Variants in DMD observed in about 807,000 individuals in gnomAD.
The protein encoded by DMD is dystrophin.
DMD carries 63 observed loss-of-function variants against 330.1 expected under a neutral mutation model. That is an observed-to-expected ratio of 0.19 (90% CI 0.16 to 0.24). The LOEUF (loss-of-function observed/expected upper bound fraction) is 0.24. Among genes scored for constraint, DMD ranks in the 10% least tolerant of loss-of-function variants. DMD has a pLI of 1.00. For synonymous variants in DMD, 1,223 were observed against 959.8 expected (o/e 1.27, Z -5.07); for missense variants, 3,344 against 2,684.1 (o/e 1.25, Z -5.43).
intron 1 of DMD, among the ~76,000 whole-genome samples, chrX:33,198,707 G>T (rs1205476642): frequency 9.0e-6 from 1 of 110,895 alleles, no homozygotes; most frequent in African/African-American, 3.3e-5. Flanking sequence ...GAGGTGTCTT[G>T]GTTCATAGAA....
intron 7 of DMD, among the ~76,000 whole-genome samples, chrX:32,788,771 G>C (rs1325339438): frequency 8.9e-6 from 1 of 111,801 alleles, no homozygotes; most frequent in East Asian, 2.8e-4. Context: ...TGGATTTATG[G>C]GATCAGACTT....
At chrX:31,356,551 T>A (rs766498425) in intron 60 of DMD, among the ~76,000 whole-genome samples, 2 of 106,858 alleles carry the variant, frequency 1.9e-5, no homozygotes, top group East Asian at 2.8e-4. Flanking sequence ...CCAAGAACAT[T>A]CTTCCTCTAA....
intron 1 of DMD, among the ~76,000 whole-genome samples, chrX:33,020,953 G>C (rs1241689049): frequency 1.8e-5 from 2 of 110,859 alleles, no homozygotes; most frequent in Non-Finnish European, 3.8e-5. Context: ...CTATGGAAGA[G>C]GTTTCCTGAT....
At chrX:31,237,218 A>C (rs2047817802) in intron 63 of DMD, among the ~76,000 whole-genome samples, 1 of 112,543 alleles carries the variant, frequency 8.9e-6, no homozygotes, top group African/African-American at 3.2e-5. Context: ...GCTGTTTGAG[A>C]GGTGCAAGAA....
At chrX:32,097,255 C>A (rs138318559) in intron 44 of DMD, among the ~76,000 whole-genome samples, 369 of 110,670 alleles carry the variant, frequency 3.3e-3, no homozygotes, top group African/African-American at 0.012. Context: ...CCCCTTGCCC[C>A]CCACCTCGCG....
rs139805420 is a variant in DMD at position 31,879,154 on chromosome X, G to A, written c.6913-3781C>T. On this transcript the variant is annotated intron_variant, in intron 47 of 78. Coordinates refer to ENST00000357033, the MANE Select transcript of DMD (RefSeq NM_004006.3). ...TCACACTGTTAACAAAGACATATCTGAGACTGGGTGATTTATAAAGGAAAG... is the reference window on the plus strand; with the variant it reads ...TCACACTGTTAACAAAGACATATCTAAGACTGGGTGATTTATAAAGGAAAG... Among the ~76,000 whole-genome samples the A allele has an allele frequency of 0.01, 1,077 of 105,154 alleles. 6 individuals carry two copies. Among genetic ancestry groups the A allele is most frequent in the Non-Finnish European group, 0.016 (796 of 51,268 alleles). 91.3% of individuals were successfully genotyped at this position (105,154 alleles called of 115,157 possible).
intron 1 of DMD, among the ~76,000 whole-genome samples, chrX:33,275,927 ATTAC>A (rs2053227788): frequency 9.0e-6 from 1 of 111,574 alleles, no homozygotes; most frequent in African/African-American, 3.3e-5. Context: ...AGAAAACACT[ATTAC>A]TAACACTACA....
At chrX:31,942,785 T>C (rs752422260) in intron 45 of DMD, among the ~76,000 whole-genome samples, 6 of 112,294 alleles carry the variant, frequency 5.3e-5, no homozygotes, top group South Asian at 7.4e-4. Context: ...CTATCTATTG[T>C]GATCGCACCC....
chrX:32,761,443 T>C (rs890961169), intron 7 of DMD, among the ~76,000 whole-genome samples: 26 of 111,961 alleles, frequency 2.3e-4, no homozygotes, highest in South Asian at 3.7e-4. Flanking sequence ...GTAGACAGAC[T>C]CAGTCCCCAG....
intron 44 of DMD, among the ~76,000 whole-genome samples, chrX:32,012,205 C>A (rs1409852167): frequency 8.9e-6 from 1 of 112,060 alleles, no homozygotes; most frequent in Non-Finnish European, 1.9e-5. Flanking sequence ...TTTACTTAAG[C>A]CAGCTTGGAT....
intron 9 of DMD, among the ~76,000 whole-genome samples, chrX:32,682,068 T>A (rs775663830): frequency 3.6e-5 from 4 of 111,737 alleles, no homozygotes; most frequent in African/African-American, 1.3e-4. Flanking sequence ...AGGATACCTA[T>A]AGGGAACAAA....
chrX:31,544,719 C>T lies in DMD; in HGVS notation c.8218-37266G>A, dbSNP rs191151982. ...ATGTGAAACTTATATTAAATAAATT[C>T]GCATGCTTTTATGTTGTTGATTTGT... On this transcript the variant is annotated intron_variant, in intron 55 of 78. Coordinates refer to ENST00000357033, the MANE Select transcript of DMD (RefSeq NM_004006.3). Among the ~76,000 whole-genome samples the T allele has an allele frequency of 1.3e-3, 147 of 111,136 alleles. 2 individuals are homozygous for T. Among genetic ancestry groups the T allele is most frequent in the Admixed American group, 0.011 (117 of 10,402 alleles).
rs145174957 is a variant in DMD at position 31,585,795 on chromosome X, T to G, written c.8217+41878A>C. On this transcript the variant is annotated intron_variant, in intron 55 of 78. Transcript: ENST00000357033. The stretch of plus-strand genomic sequence containing the variant: ...AGCAACAATAGTATCCCCTGGGAAT[T>G]TGATAGAAATGCAAATTATCAGGCC... Among the ~76,000 whole-genome samples the G allele has an allele frequency of 3.2e-4, 36 of 111,930 alleles. No homozygotes were observed. The East Asian group carries it at 8.6e-3, about 27-fold the overall frequency.
chrX:33,041,692 G>A, intron 1 of DMD: 1 of 1,208,634 alleles, frequency 8.3e-7, no homozygotes, highest in Non-Finnish European at 1.1e-6. Flanking sequence ...AGCACGTTTA[G>A]TACTGGATTC....
At chrX:31,798,658 A>T (rs1352240365) in intron 50 of DMD, among the ~76,000 whole-genome samples, 1 of 111,568 alleles carries the variant, frequency 9.0e-6, no homozygotes, top group Non-Finnish European at 1.9e-5. Context: ...CATTCTAGGC[A>T]CTGGGAGTAC....
intron 9 of DMD, among the ~76,000 whole-genome samples, chrX:32,651,481 T>C (rs935987983): frequency 2.0e-4 from 22 of 112,089 alleles, no homozygotes; most frequent in African/African-American, 7.1e-4. Flanking sequence ...AGTGTATTTT[T>C]TCTTAATTTC....
At chrX:32,606,587 C>T (rs1162112235) in intron 12 of DMD, among the ~76,000 whole-genome samples, 1 of 109,208 alleles carries the variant, frequency 9.2e-6, no homozygotes, top group African/African-American at 3.3e-5. Flanking sequence ...AAAAGTGTTA[C>T]ATGAAAAAGC....
chrX:32,735,254 T>G (rs375777781), intron 7 of DMD, among the ~76,000 whole-genome samples: 124 of 109,327 alleles, frequency 1.1e-3, no homozygotes, highest in Middle Eastern at 4.6e-3. Flanking sequence ...CACTGCTCAA[T>G]GAAATAAAAG....
chrX:31,901,115 C>T (rs2094415930), intron 47 of DMD, among the ~76,000 whole-genome samples: 1 of 111,532 alleles, frequency 9.0e-6, no homozygotes, highest in East Asian at 2.8e-4. Context: ...CACTTTACTC[C>T]CTGATATGGA....
Sources: allele counts gnomAD v4.1 joint callset (sites outside exome capture counted in the v4.1 genomes callset), GRCh38; gene constraint gnomAD v4.1.1; transcripts MANE v1.5; gene names NCBI Gene and HGNC (gene_info 2026-07-23, HGNC 2026-07-21).